Variants in SENP7 observed in about 807,000 individuals in gnomAD.
SENP7 encodes the protein SUMO specific peptidase 7.
A neutral mutation model predicts 141.2 loss-of-function variants in SENP7; 64 were observed. The ratio of observed to expected loss-of-function variants is 0.45; its 90% confidence interval spans 0.37 to 0.56. SENP7 has a LOEUF of 0.56. Among genes scored for constraint, SENP7 ranks in the 20% least tolerant of loss-of-function variants. The pLI, the probability that SENP7 is intolerant of heterozygous loss-of-function variation, is 0.00. For synonymous variants in SENP7, 382 were observed against 426.4 expected, an observed-to-expected ratio of 0.90 and a Z score of 1.28; for missense variants, 1,025 against 1,212.2, an observed-to-expected ratio of 0.85 and a Z score of 2.29.
intron 2 of SENP7, among the ~76,000 whole-genome samples, chr3:101,497,725 A>C (rs2108134257): frequency 6.6e-6 from 1 of 152,338 alleles, no homozygotes; most frequent in Non-Finnish European, 1.5e-5. Context: ...CACTTTGAGA[A>C]GCTGAAGCAG....
intron 3 of SENP7, among the ~76,000 whole-genome samples, chr3:101,481,574 A>G (rs987252499): frequency 6.6e-6 from 1 of 152,204 alleles, no homozygotes; most frequent in Non-Finnish European, 1.5e-5. Flanking sequence ...TCTAATATTC[A>G]GTAGTAGAAT....
chr3:101,475,857 G>A (rs2064193653), intron 3 of SENP7, among the ~76,000 whole-genome samples: 1 of 152,012 alleles, frequency 6.6e-6, no homozygotes, highest in Non-Finnish European at 1.5e-5. Context: ...GATAAATAAA[G>A]CAAATATGAG....
intron 6 of SENP7, among the ~76,000 whole-genome samples, chr3:101,393,675 A>G (rs2060880806): frequency 6.6e-6 from 1 of 152,218 alleles, no homozygotes; most frequent in Admixed American, 6.5e-5. Context: ...CAGGTAATAC[A>G]ATATAATGAA....
chr3:101,330,355 A>G lies in SENP7; in HGVS notation c.2730T>C (p.Ser910=). Residue 910 remains serine, a synonymous_variant, in exon 20 of 24, where the codon TCT becomes TCC. Transcript: ENST00000394095. ...TTACTTGGGAATCCTCTGCACTCAA[A>G]GACAGTGTCGAAGTAGTACGTAGAT... The part of the protein sequence containing the change: ...DNDLRTTSTL[S]LSAEDSQSTE... 6.2e-7 allele frequency: 1 copy of G among 1,608,704 alleles called. No homozygotes were observed. The highest frequency in any genetic ancestry group is 8.5e-7 in the Non-Finnish European group (1 of 1,175,522).
At chr3:101,442,899 A>C (rs2062735939) in intron 4 of SENP7, among the ~76,000 whole-genome samples, 1 of 152,208 alleles carries the variant, frequency 6.6e-6, no homozygotes, top group Admixed American at 6.5e-5. Context: ...TTATAAAAAG[A>C]ACAAATATTG....
chr3:101,488,652 G>C (rs2064830637), intron 3 of SENP7, among the ~76,000 whole-genome samples: 1 of 152,144 alleles, frequency 6.6e-6, no homozygotes, highest in South Asian at 2.1e-4. Flanking sequence ...GACCAGCCTG[G>C]GCAACACAGT....
At chr3:101,500,012 A>G (rs74952446) in intron 2 of SENP7, among the ~76,000 whole-genome samples, 1 of 152,292 alleles carries the variant, frequency 6.6e-6, no homozygotes, top group African/African-American at 2.4e-5. Flanking sequence ...ATCTTAAGCC[A>G]AAAAAGAAAG....
At chr3:101,446,626 T>C (rs1316677826) in intron 4 of SENP7, among the ~76,000 whole-genome samples, 1 of 152,158 alleles carries the variant, frequency 6.6e-6, no homozygotes, top group African/African-American at 2.4e-5. Flanking sequence ...CACCGGAAAC[T>C]GTACAAACCC....
chr3:101,346,257 A>C lies in SENP7; in HGVS notation c.1837+1615T>G, dbSNP rs549003628. Among the ~76,000 whole-genome samples the C allele has an allele frequency of 6.6e-5, 10 of 152,336 alleles. 1 individual carries two copies. In the East Asian group the frequency reaches 1.7e-3, roughly 26 times the overall value. The stretch of plus-strand genomic sequence containing the variant: ...ATGGTCATTATCAAAGAATGAAAAA[A>C]TAATAGAAGTTGGTGTGGATACAGT... On this transcript the variant is annotated intron_variant, in intron 13 of 23. Coordinates refer to ENST00000394095, the MANE Select transcript of SENP7 (RefSeq NM_020654.5).
intron 1 of SENP7, among the ~76,000 whole-genome samples, chr3:101,504,760 T>C (rs2065527039): frequency 1.3e-5 from 2 of 152,210 alleles, no homozygotes; most frequent in Admixed American, 6.5e-5. Context: ...AGCTCACACC[T>C]ATAATCCCAA....
rs140354515 is a variant in SENP7, at chr3:101,475,527, T to C, written c.187-16475A>G. Among the ~76,000 whole-genome samples, 88 of 152,082 alleles carry C rather than the reference T, an allele frequency of 5.8e-4. 1 individual carries two copies. The highest frequency in any genetic ancestry group is 2.0e-3 in the African/African-American group (85 of 41,502). On this transcript the variant is annotated intron_variant, in intron 3 of 23. Transcript: ENST00000394095. The stretch of plus-strand genomic sequence containing the variant: ...ATGAGAACACACTGGTGGGGAATAA[T>C]ACACACTGGAGCCTGTCAGGGGGAC...
At chr3:101,417,868 C>A in intron 4 of SENP7, 78 bp from the exon 5 acceptor site, 2 of 1,157,962 alleles carry the variant, frequency 1.7e-6, no homozygotes, top group East Asian at 2.4e-5. Flanking sequence ...ACTAATATCT[C>A]CAGAAACTGT....
At chr3:101,390,151 C>A (rs1270958707) in intron 6 of SENP7, among the ~76,000 whole-genome samples, 1 of 136,724 alleles carries the variant, frequency 7.3e-6, no homozygotes, top group East Asian at 2.4e-4. Context: ...ACCTGGGAGG[C>A]GGAAGTTGCA....
intron 4 of SENP7, among the ~76,000 whole-genome samples, chr3:101,447,138 A>C (rs1217892993): frequency 1.3e-5 from 2 of 152,200 alleles, no homozygotes; most frequent in Non-Finnish European, 2.9e-5. Flanking sequence ...TTGGAAATCC[A>C]AGAGTAAATG....
At chr3:101,435,278 C>T (rs2062341092) in intron 4 of SENP7, among the ~76,000 whole-genome samples, 1 of 151,854 alleles carries the variant, frequency 6.6e-6, no homozygotes, top group African/African-American at 2.4e-5. Flanking sequence ...ATAATAAAAG[C>T]CATATATGAC....
Position 101,324,862 on chromosome 3 carries a change from T to C in SENP7, c.*1081A>G, listed in dbSNP as rs943313612. 3.3e-5 allele frequency: 5 copies of C among 152,062 alleles called. No individual in the cohort carries two copies. Among genetic ancestry groups the C allele is most frequent in the African/African-American group, 1.2e-4 (5 of 41,454 alleles). The allele number at this position is 152,062 out of a possible 1,614,324, so 9.4% of individuals were successfully genotyped here. A position where few individuals can be genotyped will look rare whatever the true frequency, so the allele number is the denominator to read the frequency against. ...TAGAAAGTTCTGAAGTGTTTAATCA[T>C]ATATAATGCCACCATTATCACATGA... On this transcript the variant is annotated 3_prime_UTR_variant, in exon 24 of 24. Transcript: ENST00000394095.
chr3:101,513,180 C>A lies in SENP7; in HGVS notation c.-50G>T, dbSNP rs2065938058. 7 of 1,456,080 alleles carry A rather than the reference C, an allele frequency of 4.8e-6. No individual in the cohort carries two copies. Among genetic ancestry groups the A allele is most frequent in the Non-Finnish European group, 6.7e-6 (7 of 1,046,898 alleles). The allele number at this position is 1,456,080 out of a possible 1,614,324, so 90.2% of individuals were successfully genotyped here. A position where few individuals can be genotyped will look rare whatever the true frequency, so the allele number is the denominator to read the frequency against. ...TTGCAGGCGCTGTCACCTCAGGACC[C>A]CTCCGGCTTGGAGAGGGAGGGGGAG... On this transcript the variant is annotated 5_prime_UTR_variant, in exon 1 of 24. Transcript: ENST00000394095.
intron 4 of SENP7, among the ~76,000 whole-genome samples, chr3:101,439,227 C>G (rs2062531661): frequency 9.7e-6 from 1 of 103,334 alleles, no homozygotes; most frequent in Admixed American, 1.0e-4. Flanking sequence ...GGCCGAGACC[C>G]CGTCTGGGAG....
chr3:101,377,889 A>G (rs2060380210), intron 6 of SENP7, among the ~76,000 whole-genome samples: 1 of 152,214 alleles, frequency 6.6e-6, no homozygotes, highest in South Asian at 2.1e-4. Context: ...TAAAGTTAAC[A>G]GGCCAAGGAC....
Sources: gnomAD v4.1 joint callset for allele counts (sites outside exome capture counted in the v4.1 genomes callset) on GRCh38, gnomAD v4.1.1 for gene constraint, MANE v1.5 for transcripts, NCBI Gene and HGNC (gene_info 2026-07-23, HGNC 2026-07-21) for gene names.